GALNT13: variants seen among roughly 807,000 people sequenced by gnomAD.
GALNT13 encodes the protein polypeptide N-acetylgalactosaminyltransferase 13.
A neutral mutation model predicts 64.2 loss-of-function variants in GALNT13; 28 were observed. The observed-to-expected ratio is 0.44, with a 90% confidence interval of 0.32 to 0.60. The LOEUF (loss-of-function observed/expected upper bound fraction) is 0.60. GALNT13 is among the 20% of genes least tolerant of loss of function. The pLI, the probability that GALNT13 is intolerant of heterozygous loss-of-function variation, is 0.05. For missense variants in GALNT13, 577 were observed against 669.8 expected (o/e 0.86, Z 1.53); for synonymous variants, 214 against 224.6 (o/e 0.95, Z 0.42).
chr2:153,271,075 T>C, the GALNT13 span, among the ~76,000 whole-genome samples: 1 of 152,136 alleles, frequency 6.6e-6, no homozygotes, highest in Non-Finnish European at 1.5e-5. Context: ...CACCCCTTCA[T>C]GCCAAAAACT....
At chr2:153,541,758 A>G in the GALNT13 span, among the ~76,000 whole-genome samples, 1 of 152,190 alleles carries the variant, frequency 6.6e-6, no homozygotes, top group Non-Finnish European at 1.5e-5. Flanking sequence ...CCACTCAGTT[A>G]TTAGCATTAG....
At chr2:154,325,513 T>C (rs780510533) in intron 9 of GALNT13, among the ~76,000 whole-genome samples, 15 of 152,178 alleles carry the variant, frequency 9.9e-5, no homozygotes, top group Non-Finnish European at 1.6e-4. Context: ...AACTGAGTTA[T>C]ATCATTTGTA....
chr2:153,614,017 T>TAA, the GALNT13 span, among the ~76,000 whole-genome samples: 1 of 145,574 alleles, frequency 6.9e-6, no homozygotes, highest in Non-Finnish European at 1.5e-5. Context: ...ATAATAATAA[T>TAA]AAAAAAAAAA....
chr2:153,555,225 T>C, the GALNT13 span, among the ~76,000 whole-genome samples: 17,856 of 97,132 alleles, frequency 0.18, 2,274 homozygotes, highest in South Asian at 0.28. Flanking sequence ...GACGGAGTCT[T>C]GCTCTGTCAC....
the GALNT13 span, among the ~76,000 whole-genome samples, chr2:153,660,694 A>T: frequency 6.6e-6 from 1 of 151,840 alleles, no homozygotes; most frequent in African/African-American, 2.4e-5. Context: ...CTACAGTTAA[A>T]CCACTGTAGA....
chr2:153,642,915 C>A, the GALNT13 span, among the ~76,000 whole-genome samples: 1 of 150,584 alleles, frequency 6.6e-6, no homozygotes, highest in African/African-American at 2.4e-5. Flanking sequence ...ATATAAAAAC[C>A]CATATATTTT....
the GALNT13 span, among the ~76,000 whole-genome samples, chr2:153,634,331 A>G: frequency 6.6e-6 from 1 of 152,106 alleles, no homozygotes; most frequent in East Asian, 1.9e-4. Flanking sequence ...ATGAATCATG[A>G]AAGTAATAGA....
the GALNT13 span, among the ~76,000 whole-genome samples, chr2:153,103,641 C>T: frequency 8.5e-5 from 13 of 152,208 alleles, no homozygotes; most frequent in African/African-American, 1.2e-4. Flanking sequence ...TCCTTGGACC[C>T]TGGATGATTT....
the GALNT13 span, among the ~76,000 whole-genome samples, chr2:153,467,118 G>A: frequency 6.6e-6 from 1 of 151,986 alleles, no homozygotes; most frequent in Non-Finnish European, 1.5e-5. Context: ...GGAGTTTAAT[G>A]AAAATGATTT....
chr2:153,932,598 T>G (rs1197594663), intron 2 of GALNT13, among the ~76,000 whole-genome samples: 16 of 149,704 alleles, frequency 1.1e-4, no homozygotes, highest in Admixed American at 1.0e-3. Flanking sequence ...AGATCTTCTT[T>G]TTCTTTTTTT....
chr2:153,718,626 G>A, the GALNT13 span, among the ~76,000 whole-genome samples: 3 of 152,012 alleles, frequency 2.0e-5, no homozygotes, highest in Admixed American at 6.6e-5. Context: ...TTCTTCTAAC[G>A]CAGTGACATG....
the GALNT13 span, among the ~76,000 whole-genome samples, chr2:153,077,388 C>T: frequency 6.6e-6 from 1 of 151,942 alleles, no homozygotes; most frequent in Non-Finnish European, 1.5e-5. Context: ...GACTAAGTAG[C>T]AATTCATGAA....
chr2:153,540,184 C>T, the GALNT13 span, among the ~76,000 whole-genome samples: 1 of 152,198 alleles, frequency 6.6e-6, no homozygotes, highest in Non-Finnish European at 1.5e-5. Flanking sequence ...ACTTGGTGTC[C>T]TGCATTCTGG....
At chr2:153,280,384 A>T in the GALNT13 span, among the ~76,000 whole-genome samples, 1 of 151,936 alleles carries the variant, frequency 6.6e-6, no homozygotes, top group Admixed American at 6.6e-5. Flanking sequence ...GTCTGGTTTT[A>T]GTTATTTCTT....
intron 8 of GALNT13, among the ~76,000 whole-genome samples, chr2:154,278,668 A>G (rs1213299631): frequency 6.6e-6 from 1 of 152,154 alleles, no homozygotes; most frequent in Non-Finnish European, 1.5e-5. Context: ...GTGATTGTCA[A>G]CAGTGTCAAA....
the GALNT13 span, among the ~76,000 whole-genome samples, chr2:153,102,252 C>A: frequency 6.6e-6 from 1 of 152,040 alleles, no homozygotes; most frequent in African/African-American, 2.4e-5. Flanking sequence ...CTCTTTGCTT[C>A]TGTCTTTAGA....
rs1449632242 is a variant in GALNT13 at position 154,090,256 on chromosome 2, T to G, written c.143-50081T>G. ...GTGAAATAACTTTACTAATATGTTA[T>G]TTTCTGGAAATAGGTGAAAGTCTAC... On this transcript the variant is annotated intron_variant, in intron 3 of 12. Coordinates refer to ENST00000392825, the MANE Select transcript of GALNT13 (RefSeq NM_052917.4). Among the ~76,000 whole-genome samples the G allele has an allele frequency of 2.6e-5, 4 of 152,084 alleles. No individual in the cohort carries two copies. In the South Asian group the frequency reaches 6.2e-4, roughly 24 times the overall value.
At chr2:153,885,069 TAAA>T (rs545044497) in intron 1 of GALNT13, among the ~76,000 whole-genome samples, 2 of 150,322 alleles carry the variant, frequency 1.3e-5, no homozygotes, top group Non-Finnish European at 3.0e-5. Flanking sequence ...ATAAATAAAA[TAAA>T]ATAAAATAAA....
the GALNT13 span, among the ~76,000 whole-genome samples, chr2:153,102,826 A>G: frequency 6.6e-6 from 1 of 152,170 alleles, no homozygotes; most frequent in Non-Finnish European, 1.5e-5. Flanking sequence ...GCTATGTAAC[A>G]TGAAAATGTA....
Sources: gnomAD v4.1 joint callset for allele counts (sites outside exome capture counted in the v4.1 genomes callset) on GRCh38, gnomAD v4.1.1 for gene constraint, MANE v1.5 for transcripts, NCBI Gene and HGNC (gene_info 2026-07-23, HGNC 2026-07-21) for gene names.